Variants in BST1 observed in about 807,000 individuals in gnomAD.
BST1 encodes ADP-ribosyl cyclase/cyclic ADP-ribose hydrolase 2.
BST1 carries 49 observed loss-of-function variants against 40.6 expected under a neutral mutation model. That is an observed-to-expected ratio of 1.21 (90% CI 0.96 to 1.53). The LOEUF (loss-of-function observed/expected upper bound fraction) is 1.53, where lower values mean the gene tolerates loss of function less well. Among genes scored for constraint, BST1 ranks in the 40% most tolerant of loss-of-function variants. The pLI is 0.00. For missense variants in BST1, 423 were observed against 395.9 expected, an observed-to-expected ratio of 1.07 and a Z score of -0.58; for synonymous variants, 157 against 159.3, an observed-to-expected ratio of 0.99 and a Z score of 0.11.
chr4:15,731,052 T>G lies in BST1; in HGVS notation c.852-688T>G, dbSNP rs893139511. The G allele has an allele frequency of 9.3e-6, 5 of 535,372 alleles. No individual in the cohort carries two copies. In the African/African-American group the frequency reaches 9.8e-5, roughly 10 times the overall value. The allele number at this position is 535,372 out of a possible 1,614,324, so 33.2% of individuals were successfully genotyped here. The stretch of plus-strand genomic sequence containing the variant: ...TTTTCTGCCAGTTTTTCTTGAGCAA[T>G]GTCACCAAGAAGTTGACAGGCAGGT... On this transcript the variant is annotated intron_variant, in intron 8 of 8. Coordinates refer to ENST00000265016, the MANE Select transcript of BST1 (RefSeq NM_004334.3).
the BST1 span, among the ~76,000 whole-genome samples, chr4:15,744,135 G>A: frequency 3.3e-5 from 5 of 152,186 alleles, no homozygotes; most frequent in Non-Finnish European, 5.9e-5. Flanking sequence ...TACACCGAAA[G>A]CTGAATTTAA....
At chr4:15,747,358 C>T in the BST1 span, among the ~76,000 whole-genome samples, 6 of 151,982 alleles carry the variant, frequency 3.9e-5, no homozygotes, top group African/African-American at 1.2e-4. Flanking sequence ...GTAGTCATGG[C>T]TGCCTTGCTG....
chr4:15,768,785 C>T, the BST1 span, among the ~76,000 whole-genome samples: 2 of 152,086 alleles, frequency 1.3e-5, no homozygotes, highest in African/African-American at 2.4e-5. Flanking sequence ...CGTGAGCCAC[C>T]GCGCCCGGCC....
intron 8 of BST1, chr4:15,723,798 A>G (rs1720955092): frequency 5.0e-6 from 1 of 200,662 alleles, no homozygotes; most frequent in Non-Finnish European, 8.9e-6. Flanking sequence ...GTGCCAGCAT[A>G]CACTTCCACC....
chr4:15,728,525 A>C lies in BST1; in HGVS notation c.852-3215A>C, dbSNP rs184738295. 4.4e-3 allele frequency among the ~76,000 whole-genome samples: 628 copies of C among 143,116 alleles called. 4 individuals carry two copies. The highest frequency in any genetic ancestry group is 0.016 in the African/African-American group (594 of 38,182). 93.9% of individuals were successfully genotyped at this position (143,116 alleles called of 152,430 possible). A position where few individuals can be genotyped will look rare whatever the true frequency, so the allele number is the denominator to read the frequency against. On this transcript the variant is annotated intron_variant, in intron 8 of 8. Transcript: ENST00000265016. Reference sequence around the variant, plus strand: ...TGGAGTGCAGTGGTGTGATCATGGCATATTGTAACCTCAACCTCCTGGGTT... The same window carrying C: ...TGGAGTGCAGTGGTGTGATCATGGCCTATTGTAACCTCAACCTCCTGGGTT...
rs1454290425 is a variant in BST1, at chr4:15,732,623, A to G, written c.*778A>G. The stretch of plus-strand genomic sequence containing the variant: ...GTGAGCCACCACATCCAGCCATAAT[A>G]GTTACTTATAATGAGGGAAAAACCC... On this transcript the variant is annotated 3_prime_UTR_variant, in exon 9 of 9. Coordinates refer to ENST00000265016, the MANE Select transcript of BST1 (RefSeq NM_004334.3). 2.6e-5 allele frequency: 4 copies of G among 152,212 alleles called. No individual in the cohort carries two copies. Among genetic ancestry groups the G allele is most frequent in the Middle Eastern group, 3.2e-3 (1 of 316 alleles). The allele number at this position is 152,212 out of a possible 1,614,324, so 9.4% of individuals were successfully genotyped here.
intron 6 of BST1, among the ~76,000 whole-genome samples, chr4:15,716,659 C>T (rs1452357040): frequency 2.6e-5 from 4 of 152,182 alleles, no homozygotes; most frequent in Admixed American, 6.5e-5. Flanking sequence ...TACTTAATTA[C>T]GTAAGTTATA....
chr4:15,706,446 A>G (rs1166423982), intron 2 of BST1, among the ~76,000 whole-genome samples: 2 of 152,198 alleles, frequency 1.3e-5, no homozygotes, highest in Non-Finnish European at 2.9e-5. Flanking sequence ...TTAAGATTAT[A>G]TTTATTTAGT....
chr4:15,720,316 T>G (rs564894541), intron 7 of BST1, among the ~76,000 whole-genome samples: 2 of 152,194 alleles, frequency 1.3e-5, no homozygotes, highest in South Asian at 4.2e-4. Context: ...AGTAGTACAT[T>G]TTAAAAAACA....
the BST1 span, among the ~76,000 whole-genome samples, chr4:15,752,936 A>G: frequency 1.1e-4 from 16 of 152,330 alleles, no homozygotes; most frequent in South Asian, 1.2e-3. Flanking sequence ...ATCACTAAGA[A>G]GATATAAATC....
At chr4:15,767,606 CT>C in the BST1 span, among the ~76,000 whole-genome samples, 270 of 145,198 alleles carry the variant, frequency 1.9e-3, no homozygotes, top group Non-Finnish European at 3.0e-3. Flanking sequence ...CCCGGCCCTA[CT>C]TTTTTTTTTT....
chr4:15,733,438 T>C (rs898199882), downstream of BST1, among the ~76,000 whole-genome samples: 1 of 152,002 alleles, frequency 6.6e-6, no homozygotes, highest in Non-Finnish European at 1.5e-5. Flanking sequence ...TACAGAGTGC[T>C]GACTGGTGCA....
At chr4:15,708,564 A>T (rs1195812367) in intron 3 of BST1, among the ~76,000 whole-genome samples, 1 of 152,150 alleles carries the variant, frequency 6.6e-6, no homozygotes, top group Non-Finnish European at 1.5e-5. Flanking sequence ...CTTCCTGGGT[A>T]TCAGAGTTAC....
chr4:15,764,451 C>G, the BST1 span, among the ~76,000 whole-genome samples: 1 of 151,842 alleles, frequency 6.6e-6, no homozygotes, highest in East Asian at 1.9e-4. Flanking sequence ...AATATAAGAA[C>G]GGAAAGTGTA....
At chr4:15,769,338 G>C in the BST1 span, among the ~76,000 whole-genome samples, 8 of 152,244 alleles carry the variant, frequency 5.3e-5, no homozygotes, top group African/African-American at 9.6e-5. Flanking sequence ...GCTAGGGACA[G>C]AGAACTTGGT....
chr4:15,749,607 C>A, the BST1 span, among the ~76,000 whole-genome samples: 4 of 152,182 alleles, frequency 2.6e-5, no homozygotes, highest in African/African-American at 9.7e-5. Context: ...AGCTTCCCTG[C>A]TTAGCAGCAT....
chr4:15,736,093 G>A, downstream of BST1: 1 of 1,288,982 alleles, frequency 7.8e-7, no homozygotes, highest in Non-Finnish European at 1.0e-6. Context: ...GCGACCCAGA[G>A]CAGAACCATA....
downstream of BST1, among the ~76,000 whole-genome samples, chr4:15,739,078 C>T (rs547942954): frequency 6.6e-6 from 1 of 152,200 alleles, no homozygotes. Flanking sequence ...TCTCAGGAGA[C>T]TTTTGGCACC....
chr4:15,770,567 C>T, the BST1 span, among the ~76,000 whole-genome samples: 1 of 152,046 alleles, frequency 6.6e-6, no homozygotes, highest in Non-Finnish European at 1.5e-5. Flanking sequence ...TAGCTGGGCA[C>T]AGTGGCACGT....
Sources: gnomAD v4.1 joint callset for allele counts (sites outside exome capture counted in the v4.1 genomes callset) on GRCh38, gnomAD v4.1.1 for gene constraint, MANE v1.5 for transcripts, NCBI Gene and HGNC (gene_info 2026-07-23, HGNC 2026-07-21) for gene names.